Variants in NR3C2 observed in about 807,000 individuals in gnomAD.
NR3C2 encodes the protein nuclear receptor subfamily 3 group C member 2, also known as mineralocorticoid receptor.
A neutral mutation model predicts 86.4 loss-of-function variants in NR3C2; 15 were observed. That is an observed-to-expected ratio of 0.17 (90% CI 0.12 to 0.27). NR3C2 has a LOEUF of 0.27. Ranked by LOEUF, NR3C2 falls within the 10% of genes least tolerant of loss-of-function variation. NR3C2 has a pLI of 1.00. For missense variants in NR3C2, 960 were observed against 1,195.6 expected (o/e 0.80, Z 2.91); for synonymous variants, 458 against 450.5 (o/e 1.02, Z -0.21).
At chr4:148,099,124 A>G (rs1039260971) in intron 8 of NR3C2, among the ~76,000 whole-genome samples, 1 of 152,168 alleles carries the variant, frequency 6.6e-6, no homozygotes, top group Non-Finnish European at 1.5e-5. Flanking sequence ...GACAAACACA[A>G]TCTTAAACAG....
intron 2 of NR3C2, among the ~76,000 whole-genome samples, chr4:148,297,124 T>G (rs1364016811): frequency 5.9e-5 from 9 of 152,326 alleles, no homozygotes; most frequent in South Asian, 2.1e-4. Flanking sequence ...CCTACAGGAC[T>G]GTGCTGCTAG....
At chr4:148,101,666 T>C (rs528324863) in intron 8 of NR3C2, among the ~76,000 whole-genome samples, 1 of 152,324 alleles carries the variant, frequency 6.6e-6, no homozygotes, top group African/African-American at 2.4e-5. Context: ...TGGTCTGGAA[T>C]AGAGTTTCGG....
intron 2 of NR3C2, among the ~76,000 whole-genome samples, chr4:148,303,553 A>C (rs1268217941): frequency 1.3e-5 from 2 of 151,754 alleles, no homozygotes; most frequent in South Asian, 2.1e-4. Flanking sequence ...TGTTGGAGGG[A>C]CTCAATTCCA....
intron 3 of NR3C2, among the ~76,000 whole-genome samples, chr4:148,227,688 T>C (rs1216796356): frequency 2.0e-5 from 3 of 152,226 alleles, no homozygotes; most frequent in Non-Finnish European, 4.4e-5. Context: ...ATTTATTGTG[T>C]ATGAAATTAT....
intron 3 of NR3C2, among the ~76,000 whole-genome samples, chr4:148,243,022 G>GT (rs1394739990): frequency 1.4e-5 from 2 of 144,410 alleles, no homozygotes; most frequent in African/African-American, 5.1e-5. Context: ...ATACTTTTCA[G>GT]GTTTTTTTTT....
At chr4:148,094,287 T>C (rs1315947469) in intron 8 of NR3C2, among the ~76,000 whole-genome samples, 2 of 152,206 alleles carry the variant, frequency 1.3e-5, no homozygotes, top group Non-Finnish European at 2.9e-5. Context: ...AAATGTATAA[T>C]GGTGCAGTGC....
intron 2 of NR3C2, among the ~76,000 whole-genome samples, chr4:148,347,560 T>G (rs1334938231): frequency 6.6e-6 from 1 of 152,120 alleles, no homozygotes; most frequent in African/African-American, 2.4e-5. Flanking sequence ...CCATACCCAA[T>G]AAAATCAGTG....
At chr4:148,117,278 A>G (rs1182320054) in intron 7 of NR3C2, among the ~76,000 whole-genome samples, 4 of 152,222 alleles carry the variant, frequency 2.6e-5, no homozygotes, top group Non-Finnish European at 5.9e-5. Flanking sequence ...TGTGCTGGCC[A>G]AATAAAACAC....
intron 3 of NR3C2, among the ~76,000 whole-genome samples, chr4:148,256,299 T>G (rs1739828061): frequency 6.6e-6 from 1 of 152,086 alleles, no homozygotes; most frequent in Non-Finnish European, 1.5e-5. Flanking sequence ...ATAATGAAGA[T>G]CTAACAAAGG....
intron 8 of NR3C2, among the ~76,000 whole-genome samples, chr4:148,093,873 T>C (rs999766131): frequency 2.5e-4 from 38 of 152,022 alleles, no homozygotes; most frequent in African/African-American, 8.9e-4. Flanking sequence ...AAACTGTGCA[T>C]CCAAGGCCAC....
chr4:148,431,634 C>T (rs915969269), intron 2 of NR3C2, among the ~76,000 whole-genome samples: 4 of 152,152 alleles, frequency 2.6e-5, no homozygotes, highest in East Asian at 1.9e-4. Context: ...AGATGACTTT[C>T]GTCACCACTC....
intron 2 of NR3C2, among the ~76,000 whole-genome samples, chr4:148,299,371 C>T (rs79370954): frequency 6.6e-6 from 1 of 152,138 alleles, no homozygotes; most frequent in African/African-American, 2.4e-5. Flanking sequence ...CCAACCCTGT[C>T]GCTCTGGGGG....
At chr4:148,409,987 A>G (rs1748615618) in intron 2 of NR3C2, among the ~76,000 whole-genome samples, 1 of 152,154 alleles carries the variant, frequency 6.6e-6, no homozygotes, top group Non-Finnish European at 1.5e-5. Flanking sequence ...AGTCCTTTAA[A>G]CTGTGTTTTT....
chr4:148,091,855 G>A (rs1193081139), intron 8 of NR3C2, among the ~76,000 whole-genome samples: 2 of 152,194 alleles, frequency 1.3e-5, no homozygotes, highest in Non-Finnish European at 2.9e-5. Context: ...TTCTGGGCAG[G>A]GTAGGAGCCA....
At chr4:148,290,202 T>C (rs540542028) in intron 2 of NR3C2, among the ~76,000 whole-genome samples, 67 of 152,318 alleles carry the variant, frequency 4.4e-4, no homozygotes, top group South Asian at 4.4e-3. Context: ...AGGATGCACA[T>C]GGCTGTATCC....
intron 4 of NR3C2, among the ~76,000 whole-genome samples, chr4:148,162,172 T>G (rs1227508364): frequency 1.3e-5 from 2 of 152,130 alleles, no homozygotes; most frequent in East Asian, 3.9e-4. Flanking sequence ...GGAGTCAGAA[T>G]AGGGGTTCTC....
intron 2 of NR3C2, among the ~76,000 whole-genome samples, chr4:148,317,280 G>A (rs1243282867): frequency 5.3e-5 from 8 of 151,624 alleles, no homozygotes; most frequent in Non-Finnish European, 8.8e-5. Context: ...ACTTTAACCC[G>A]GGAGGTGGAG....
intron 2 of NR3C2, among the ~76,000 whole-genome samples, chr4:148,270,723 G>A (rs1349168984): frequency 5.3e-5 from 8 of 152,006 alleles, no homozygotes; most frequent in Non-Finnish European, 1.2e-4. Flanking sequence ...GCAACAATAG[G>A]GCACTAGTCA....
At chr4:148,142,215 C>T (rs1259651415) in intron 6 of NR3C2, among the ~76,000 whole-genome samples, 1 of 152,150 alleles carries the variant, frequency 6.6e-6, no homozygotes, top group Non-Finnish European at 1.5e-5. Context: ...ATTTTAGGAG[C>T]TGGCAATGCA....
Sources: allele counts gnomAD v4.1 joint callset (sites outside exome capture counted in the v4.1 genomes callset), GRCh38; gene constraint gnomAD v4.1.1; transcripts MANE v1.5; gene names NCBI Gene and HGNC (gene_info 2026-07-23, HGNC 2026-07-21).